The following HS3ST3A1 variants were observed in gnomAD, a reference collection of about 807,000 sequenced individuals.
HS3ST3A1 encodes heparan sulfate glucosamine 3-O-sulfotransferase 3A1.
In HS3ST3A1, 19 loss-of-function variants were observed where a neutral mutation model predicts 25.7. That is an observed-to-expected ratio of 0.74 (90% CI 0.52 to 1.08). The LOEUF (loss-of-function observed/expected upper bound fraction) is 1.08, where lower values mean the gene tolerates loss of function less well. Among genes scored for constraint, HS3ST3A1 ranks in the 50% least tolerant of loss-of-function variants. The pLI is 0.00. For missense variants in HS3ST3A1, 459 were observed against 594.3 expected (o/e 0.77, Z 2.37); for synonymous variants, 226 against 278.6 (o/e 0.81, Z 1.88).
In HS3ST3A1 at chr17:13,516,933, G is replaced by C. The variant is rs533179971; in HGVS notation, c.600-20115C>G. Among the ~76,000 whole-genome samples the C allele has an allele frequency of 3.3e-5, 5 of 152,240 alleles. No homozygotes were observed. In the East Asian group the frequency reaches 9.7e-4, roughly 29 times the overall value. On this transcript the variant is annotated intron_variant, in intron 1 of 1. Transcript: ENST00000284110. ...GATCTCCTGACCTCGTGACCCGCCC[G>C]CCTCGGCCTCCTAAAGTGCTGGGAT...
At chr17:13,508,461 T>C (rs1161804081) in intron 1 of HS3ST3A1, among the ~76,000 whole-genome samples, 1 of 152,192 alleles carries the variant, frequency 6.6e-6, no homozygotes, top group Non-Finnish European at 1.5e-5. Context: ...CAAGTAAGAA[T>C]CCTTTATGTT....
chr17:13,586,935 C>A (rs1261659044), intron 1 of HS3ST3A1, among the ~76,000 whole-genome samples: 1 of 127,048 alleles, frequency 7.9e-6, no homozygotes, highest in South Asian at 2.7e-4. Context: ...TAAAAAACTA[C>A]AAGATTTCTT....
Position 13,528,283 on chromosome 17 carries a change from G to A in HS3ST3A1, c.600-31465C>T, listed in dbSNP as rs546869843. The stretch of plus-strand genomic sequence containing the variant: ...AGGCAACAAAAAGGATGGGAAATGT[G>A]ACAGGCACAGAGATGTGCTACTCAG... On this transcript the variant is annotated intron_variant, in intron 1 of 1. Transcript: ENST00000284110. Among the ~76,000 whole-genome samples, 3 of 152,344 alleles carry A rather than the reference G, an allele frequency of 2.0e-5. No homozygotes were observed. In the East Asian group the frequency reaches 5.8e-4, roughly 29 times the overall value.
At chr17:13,519,607 A>C (rs1023222170) in intron 1 of HS3ST3A1, among the ~76,000 whole-genome samples, 2 of 152,194 alleles carry the variant, frequency 1.3e-5, no homozygotes, top group Non-Finnish European at 2.9e-5. Context: ...ACTAAGAGCC[A>C]ACTGCTACAT....
At chr17:13,549,838 G>A (rs1907194423) in intron 1 of HS3ST3A1, among the ~76,000 whole-genome samples, 1 of 152,156 alleles carries the variant, frequency 6.6e-6, no homozygotes, top group Non-Finnish European at 1.5e-5. Context: ...ATAAAGAGTT[G>A]CCAATTCTCA....
intron 1 of HS3ST3A1, among the ~76,000 whole-genome samples, chr17:13,583,768 T>C (rs963571175): frequency 1.3e-5 from 2 of 152,350 alleles, no homozygotes; most frequent in African/African-American, 2.4e-5. Context: ...CTCTATTTCT[T>C]TTCTCTACGA....
intron 1 of HS3ST3A1, among the ~76,000 whole-genome samples, chr17:13,579,713 AAAAAAAAAAAAAAAAT>A (rs1396969517): frequency 1.4e-5 from 2 of 140,486 alleles, no homozygotes; most frequent in Non-Finnish European, 3.2e-5. Context: ...AAAAAAAAAA[AAAAAAAAAAAAAAAAT>A]CATAAGAAAT....
chr17:13,503,725 A>C (rs531936134), intron 1 of HS3ST3A1, among the ~76,000 whole-genome samples: 64 of 152,334 alleles, frequency 4.2e-4, no homozygotes, highest in African/African-American at 1.4e-3. Flanking sequence ...GAGAATTCTG[A>C]GTTTGGGTGA....
At chr17:13,530,760 A>G (rs183897195) in intron 1 of HS3ST3A1, among the ~76,000 whole-genome samples, 231 of 152,312 alleles carry the variant, frequency 1.5e-3, no homozygotes, top group Non-Finnish European at 2.6e-3. Context: ...CAATACAAGT[A>G]TAAGCAACTC....
At chr17:13,505,788 G>T (rs1213373897) in intron 1 of HS3ST3A1, among the ~76,000 whole-genome samples, 1 of 152,058 alleles carries the variant, frequency 6.6e-6, no homozygotes, top group Non-Finnish European at 1.5e-5. Flanking sequence ...CACTTTGGGA[G>T]GCAGATGTGG....
At chr17:13,528,962 G>A (rs1165096388) in intron 1 of HS3ST3A1, among the ~76,000 whole-genome samples, 1 of 151,986 alleles carries the variant, frequency 6.6e-6, no homozygotes, top group Admixed American at 6.6e-5. Flanking sequence ...AGATAAAGCT[G>A]GGAAATACGG....
At chr17:13,596,350 C>G (rs983987963) in intron 1 of HS3ST3A1, among the ~76,000 whole-genome samples, 1 of 151,696 alleles carries the variant, frequency 6.6e-6, no homozygotes, top group Non-Finnish European at 1.5e-5. Context: ...ACTTTCCTCT[C>G]ATAAATTCCA....
intron 1 of HS3ST3A1, among the ~76,000 whole-genome samples, chr17:13,567,319 A>G (rs1268264774): frequency 6.6e-6 from 1 of 152,228 alleles, no homozygotes; most frequent in Non-Finnish European, 1.5e-5. Flanking sequence ...ATTACTACTC[A>G]TTGATAATGC....
intron 1 of HS3ST3A1, among the ~76,000 whole-genome samples, chr17:13,557,327 C>G (rs772942550): frequency 1.3e-5 from 2 of 151,956 alleles, no homozygotes; most frequent in Non-Finnish European, 2.9e-5. Flanking sequence ...TGAGTAAAAC[C>G]CTTGAACATT....
At chr17:13,582,696 T>C (rs1567629540) in intron 1 of HS3ST3A1, among the ~76,000 whole-genome samples, 1 of 152,150 alleles carries the variant, frequency 6.6e-6, no homozygotes, top group Non-Finnish European at 1.5e-5. Flanking sequence ...TGCATAGTAC[T>C]ACTTTCTCAT....
At chr17:13,550,041 C>T (rs879132769) in intron 1 of HS3ST3A1, among the ~76,000 whole-genome samples, 1 of 152,140 alleles carries the variant, frequency 6.6e-6, no homozygotes, top group Non-Finnish European at 1.5e-5. Context: ...CTCATTTATT[C>T]TCAGAGCCTT....
chr17:13,588,443 G>A (rs115289683), intron 1 of HS3ST3A1, among the ~76,000 whole-genome samples: 2,171 of 152,212 alleles, frequency 0.014, 51 homozygotes, highest in African/African-American at 0.05. Flanking sequence ...TTCTCAAGGG[G>A]CCCTGAAGCA....
intron 1 of HS3ST3A1, among the ~76,000 whole-genome samples, chr17:13,577,021 C>G (rs1246324562): frequency 1.3e-5 from 2 of 152,106 alleles, no homozygotes; most frequent in African/African-American, 4.8e-5. Flanking sequence ...TTGCAGAAGG[C>G]AAAGGAAGAG....
chr17:13,580,761 C>T (rs1315525169), intron 1 of HS3ST3A1, among the ~76,000 whole-genome samples: 1 of 152,106 alleles, frequency 6.6e-6, no homozygotes, highest in Non-Finnish European at 1.5e-5. Context: ...CGTGGTGACA[C>T]ATGCCTATAA....
Sources: allele counts gnomAD v4.1 joint callset (sites outside exome capture counted in the v4.1 genomes callset), GRCh38; gene constraint gnomAD v4.1.1; transcripts MANE v1.5; gene names NCBI Gene and HGNC (gene_info 2026-07-23, HGNC 2026-07-21).